NCOA4: variants seen among roughly 807,000 people sequenced by gnomAD.
NCOA4 encodes 70 kDa AR-activator.
A neutral mutation model predicts 69.5 loss-of-function variants in NCOA4; 31 were observed. That is an observed-to-expected ratio of 0.45 (90% CI 0.34 to 0.60). The LOEUF (loss-of-function observed/expected upper bound fraction) is 0.60. NCOA4 is among the 20% of genes least tolerant of loss of function. NCOA4 has a pLI of 0.02. For missense variants in NCOA4, 600 were observed against 719.2 expected (o/e 0.83, Z 1.90); for synonymous variants, 228 against 252.4 (o/e 0.90, Z 0.92).
chr10:46,019,796 T>C (rs1412066011), intron 1 of NCOA4, among the ~76,000 whole-genome samples: 1 of 152,218 alleles, frequency 6.6e-6, no homozygotes, highest in African/African-American at 2.4e-5. Flanking sequence ...CACACAGTTA[T>C]CACATTTTTT....
chr10:46,026,274 C>T (rs1018348157), intron 1 of NCOA4, among the ~76,000 whole-genome samples: 2 of 152,166 alleles, frequency 1.3e-5, no homozygotes, highest in African/African-American at 4.8e-5. Context: ...AAAGTATGAT[C>T]CCAGAATAAG....
At chr10:46,017,859 A>G (rs1359948145) in intron 1 of NCOA4, among the ~76,000 whole-genome samples, 1 of 152,218 alleles carries the variant, frequency 6.6e-6, no homozygotes, top group Admixed American at 6.5e-5. Context: ...TGCAAGAACA[A>G]TGACATGATT....
chr10:46,022,708 G>A (rs1004675651), intron 1 of NCOA4, among the ~76,000 whole-genome samples: 3 of 152,036 alleles, frequency 2.0e-5, no homozygotes, highest in Non-Finnish European at 2.9e-5. Context: ...CTCGTGATCC[G>A]CCCGCCTCGG....
intron 1 of NCOA4, chr10:46,023,344 C>T (rs1554924893): frequency 3.0e-6 from 3 of 985,530 alleles, no homozygotes; most frequent in East Asian, 2.3e-4. Context: ...CAGGCCAGGT[C>T]ACCGACTCAC....
At chr10:46,023,916 T>C (rs570169854) in intron 1 of NCOA4, among the ~76,000 whole-genome samples, 6 of 152,356 alleles carry the variant, frequency 3.9e-5, no homozygotes, top group East Asian at 1.9e-4. Context: ...AATGTTGTAA[T>C]TCTATTACCT....
chr10:46,010,414 A>G lies in NCOA4; in HGVS notation c.1507T>C (p.Tyr503His), dbSNP rs782652277. Reference protein sequence around the residue: ...PLSEWLIRPPYKEGSPKEVPG... With the variant: ...PLSEWLIRPPHKEGSPKEVPG... The stretch of plus-strand genomic sequence containing the variant: ...ACTTCCTTGGGACTTCCTTCTTTGT[A>G]TGGGGGCCTGATAAGCCACTCCGAC... The change falls in exon 8 of 10, where the codon TAC (tyrosine) becomes CAC (histidine). Residue 503 changes from tyrosine to histidine, a missense_variant. Physicochemically the swap from Tyr to His is moderately conservative, Grantham distance 83. Coordinates refer to ENST00000581486, the MANE Select transcript of NCOA4 (RefSeq NM_001145263.2). 2 of 1,614,052 alleles carry G rather than the reference A, an allele frequency of 1.2e-6. No individual in the cohort carries two copies. Among genetic ancestry groups the G allele is most frequent in the African/African-American group, 1.3e-5 (1 of 74,974 alleles).
intron 1 of NCOA4, chr10:46,023,523 A>G: frequency 2.0e-6 from 2 of 985,424 alleles, no homozygotes; most frequent in South Asian, 4.7e-5. Context: ...AACTCCGCCC[A>G]TTGTTGCCCT....
rs1241852384 is a variant in NCOA4 at position 46,030,590 on chromosome 10, C to A, written c.-79G>T. ...GGGTGGACTGAGACACGGCCCCACA[C>A]TAACCTACGGCCCAAAGGCAGAGTT... On this transcript the variant is annotated 5_prime_UTR_variant, in exon 1 of 10. Coordinates refer to ENST00000581486, the MANE Select transcript of NCOA4 (RefSeq NM_001145263.2). The A allele has an allele frequency of 6.6e-6, 1 of 152,354 alleles. No individual in the cohort carries two copies. The highest frequency in any genetic ancestry group is 1.5e-5 in the Non-Finnish European group (1 of 68,132). 9.4% of individuals were successfully genotyped at this position (152,354 alleles called of 1,614,324 possible). A position where few individuals can be genotyped will look rare whatever the true frequency, so the allele number is the denominator to read the frequency against.
In NCOA4 at chr10:46,010,911, A is replaced by C. The variant is rs1839167958; in HGVS notation, c.1010T>G (p.Val337Gly). The change falls in exon 8 of 10, where the codon GTG becomes GGG. Residue 337 changes from valine (V) to glycine (G), a missense_variant. Coordinates refer to ENST00000581486, the MANE Select transcript of NCOA4 (RefSeq NM_001145263.2). Reference protein sequence around the residue: ...KFKLLFQSYNVNDWLVKTDSC... With the variant: ...KFKLLFQSYNGNDWLVKTDSC... Reference sequence around the variant, plus strand: ...GTCAGTCTTGACAAGCCAATCATTCACATTATAGGACTGGAATAAGAGCTT... The same window carrying C: ...GTCAGTCTTGACAAGCCAATCATTCCCATTATAGGACTGGAATAAGAGCTT... 1.9e-6 allele frequency: 3 copies of C among 1,613,934 alleles called. No homozygotes were observed. The highest frequency in any genetic ancestry group is 2.5e-6 in the Non-Finnish European group (3 of 1,179,868).
chr10:46,025,742 G>A (rs1340850156), intron 1 of NCOA4, among the ~76,000 whole-genome samples: 2 of 152,218 alleles, frequency 1.3e-5, no homozygotes, highest in Non-Finnish European at 2.9e-5. Flanking sequence ...AGAGTTGGCT[G>A]CTCCCTCCTG....
rs371611683 is a variant in NCOA4 at position 46,016,689 on chromosome 10, C to A, written c.-9G>T. 1.7e-5 allele frequency: 24 copies of A among 1,429,722 alleles called. No individual in the cohort carries two copies. The highest frequency in any genetic ancestry group is 2.9e-5 in the African/African-American group (2 of 69,492). 88.6% of individuals were successfully genotyped at this position (1,429,722 alleles called of 1,614,324 possible). A position where few individuals can be genotyped will look rare whatever the true frequency, so the allele number is the denominator to read the frequency against. On this transcript the variant is annotated 5_prime_UTR_variant, in exon 2 of 10. Coordinates refer to ENST00000581486, the MANE Select transcript of NCOA4 (RefSeq NM_001145263.2). Reference sequence around the variant, plus strand: ...TCTTGGAAGGTATTCATTCTCCTCACTGCTCCTTTAAAAGAAAAAAATATA... The same window carrying A: ...TCTTGGAAGGTATTCATTCTCCTCAATGCTCCTTTAAAAGAAAAAAATATA...
chr10:46,005,979 T>G lies in NCOA4; in HGVS notation c.*613A>C. ...AAGACAAAATTTGCAGTAGCTGAGT[T>G]TAAGTGAAGAATAATGTAGAACTAA... On this transcript the variant is annotated 3_prime_UTR_variant, in exon 10 of 10. Transcript: ENST00000581486. The G allele has an allele frequency of 4.9e-6, 1 of 205,696 alleles. No individual in the cohort carries two copies. Among genetic ancestry groups the G allele is most frequent in the African/African-American group, 2.3e-5 (1 of 43,940 alleles). The allele number at this position is 205,696 out of a possible 1,614,324, so 12.7% of individuals were successfully genotyped here. A position where few individuals can be genotyped will look rare whatever the true frequency, so the allele number is the denominator to read the frequency against.
intron 1 of NCOA4, chr10:46,019,528 T>C (rs1384643441): frequency 1.2e-5 from 12 of 985,398 alleles, no homozygotes; most frequent in African/African-American, 3.5e-5. Context: ...CAGTGTAAAA[T>C]TGAATCAATA....
At position 46,012,997 on chromosome 10, in the gene NCOA4, A is replaced by G; in HGVS notation, c.600T>C (p.Pro200=). 6.2e-7 allele frequency: 1 copy of G among 1,614,172 alleles called. No homozygotes were observed. Among genetic ancestry groups the G allele is most frequent in the Non-Finnish European group, 8.5e-7 (1 of 1,179,996 alleles). ...TGCTTCCAAGGAGCCATTCGCTGAA[A>G]GGGACAGCTACAATACCGGATGCTG... is the stretch of plus-strand genomic sequence containing the variant. ...QKSASGIVAV[P]FSEWLLGSKP... The change falls in exon 7 of 10, where the codon CCT becomes CCC. Residue 200 remains proline (P), a synonymous_variant. Coordinates refer to ENST00000581486, the MANE Select transcript of NCOA4 (RefSeq NM_001145263.2).
chr10:46,011,308 C>T (rs1354163529), intron 7 of NCOA4, 102 bp from the exon 8 acceptor site: 3 of 1,241,204 alleles, frequency 2.4e-6, no homozygotes, highest in Middle Eastern at 2.4e-4. Context: ...CACTCTGTCG[C>T]CCAGGCTGGA....
chr10:46,026,096 CAGTA>C (rs2132386002), intron 1 of NCOA4, among the ~76,000 whole-genome samples: 1 of 152,344 alleles, frequency 6.6e-6, no homozygotes, highest in South Asian at 2.1e-4. Context: ...AGACTAGCCA[CAGTA>C]AGTATGGTAT....
intron 1 of NCOA4, among the ~76,000 whole-genome samples, chr10:46,018,099 A>AT (rs1459338846): frequency 3.3e-5 from 5 of 152,200 alleles, no homozygotes; most frequent in Non-Finnish European, 7.4e-5. Flanking sequence ...TAATAAGATT[A>AT]TTTTTTACAA....
At chr10:46,011,298 C>T in intron 7 of NCOA4, 92 bp from the exon 8 acceptor site, 1 of 1,306,202 alleles carries the variant, frequency 7.7e-7, no homozygotes, top group Non-Finnish European at 1.1e-6. Flanking sequence ...GAGACAGTCT[C>T]ACTCTGTCGC....
In NCOA4 at chr10:46,010,357, T is replaced by A; in HGVS notation, c.1564A>T (p.Lys522Ter). Residue 522 changes from lysine to a stop codon, truncating the protein, a stop_gained, in exon 8 of 10, where the codon AAG becomes TAG. Transcript: ENST00000581486. LOFTEE classifies it high-confidence loss of function. ...PGTEDRAGKQKFKSPMNTSWC... is the reference protein window; with the variant it reads ...PGTEDRAGKQ ...GAAGTATTCATGGGGCTTTTAAACT[T>A]CTGTTTGCCAGCTCTGTCTTCAGTA... The A allele has an allele frequency of 6.2e-7, 1 of 1,614,168 alleles. No individual in the cohort carries two copies. Among genetic ancestry groups the A allele is most frequent in the Non-Finnish European group, 8.5e-7 (1 of 1,180,034 alleles).
Sources: gnomAD v4.1 joint callset for allele counts (sites outside exome capture counted in the v4.1 genomes callset) on GRCh38, gnomAD v4.1.1 for gene constraint, MANE v1.5 for transcripts, NCBI Gene and HGNC (gene_info 2026-07-23, HGNC 2026-07-21) for gene names.